DLGAP2: variants seen among roughly 807,000 people sequenced by gnomAD.
DLGAP2 encodes the protein disks large-associated protein 2.
A neutral mutation model predicts 100.3 loss-of-function variants in DLGAP2; 26 were observed. The observed-to-expected ratio is 0.26, with a 90% CI of 0.19 to 0.36. The LOEUF is 0.36. Among genes scored for constraint, DLGAP2 ranks in the 10% least tolerant of loss-of-function variants. The pLI, the probability that DLGAP2 is intolerant of heterozygous loss-of-function variation, is 1.00. For synonymous variants in DLGAP2, 886 were observed against 630.1 expected (o/e 1.41, Z -6.08); for missense variants, 1,858 against 1,453.2 (o/e 1.28, Z -4.53).
chr8:1,591,082 C>T (rs6995313), intron 6 of DLGAP2, among the ~76,000 whole-genome samples: 2,454 of 152,330 alleles, frequency 0.016, 73 homozygotes, highest in African/African-American at 0.056. Context: ...CCCATGCCGG[C>T]AGCTGCAGAA....
At chr8:1,127,294 C>T (rs549131527) in intron 2 of DLGAP2, among the ~76,000 whole-genome samples, 1 of 151,894 alleles carries the variant, frequency 6.6e-6, no homozygotes, top group African/African-American at 2.4e-5. Context: ...TCGGGTGAAC[C>T]CCCATTCTCT....
rs758267162 is a variant in DLGAP2, at chr8:1,549,167, G to A, written c.714G>A (p.Lys238=). Residue 238 remains lysine (K), a synonymous_variant, in exon 5 of 15, where the codon AAG becomes AAA. Coordinates refer to ENST00000637795, the MANE Select transcript of DLGAP2 (RefSeq NM_001346810.2). ...GCCACCTGGTACACTCCGTGCAGAA[G>A]CTCTTCACCAAGTCGCACTCGCTGG... The part of the protein sequence containing the change: ...RIRHLVHSVQ[K]LFTKSHSLEG... 6 of 1,598,998 alleles carry A rather than the reference G, an allele frequency of 3.8e-6. 1 individual carries two copies. The South Asian group carries it at 6.7e-5, about 18-fold the overall frequency.
Position 1,442,608 on chromosome 8 carries a change from C to G in DLGAP2, c.107-58758C>G, listed in dbSNP as rs182491638. ...GGTTCAGCCACTGGGGGAGACGGAT[C>G]GGGGCATAGACCCGCCAGGCTGATG... On this transcript the variant is annotated intron_variant, in intron 3 of 14. Transcript: ENST00000637795. Among the ~76,000 whole-genome samples, 4 of 144,626 alleles carry G rather than the reference C, an allele frequency of 2.8e-5. No individual in the cohort carries two copies. The South Asian group carries it at 6.8e-4, about 25-fold the overall frequency. 94.9% of individuals were successfully genotyped at this position (144,626 alleles called of 152,430 possible).
At position 837,059 on chromosome 8, in the gene DLGAP2, T is replaced by C. The variant is rs78816362; in HGVS notation, c.19-70853T>C. Among the ~76,000 whole-genome samples the C allele has an allele frequency of 5.2e-3, 787 of 152,358 alleles. 6 individuals are homozygous for C. Among genetic ancestry groups the C allele is most frequent in the African/African-American group, 0.017 (723 of 41,592 alleles). On this transcript the variant is annotated intron_variant, in intron 1 of 14. Coordinates refer to ENST00000637795, the MANE Select transcript of DLGAP2 (RefSeq NM_001346810.2). ...AGCCAGATTCCCGGGGTTCGAGTCC[T>C]ATCTCGACCACGTCCCATCTCCTGG...
intron 2 of DLGAP2, among the ~76,000 whole-genome samples, chr8:1,210,718 A>AC (rs1163384659): frequency 1.3e-5 from 2 of 150,968 alleles, no homozygotes; most frequent in East Asian, 3.9e-4. Flanking sequence ...GGCATAACTG[A>AC]CCCCCCACCC....
At chr8:773,399 A>C (rs1358640774) in intron 1 of DLGAP2, among the ~76,000 whole-genome samples, 1 of 151,518 alleles carries the variant, frequency 6.6e-6, no homozygotes, top group Non-Finnish European at 1.5e-5. Context: ...CACATTGTGC[A>C]GGTTAGTTAC....
At chr8:1,081,508 C>T (rs764302883) in intron 2 of DLGAP2, among the ~76,000 whole-genome samples, 11 of 152,138 alleles carry the variant, frequency 7.2e-5, no homozygotes, top group Admixed American at 1.3e-4. Context: ...CCCGTCACCA[C>T]GCCCAGCTAA....
At chr8:952,675 C>T (rs1799509321) in intron 2 of DLGAP2, among the ~76,000 whole-genome samples, 1 of 152,044 alleles carries the variant, frequency 6.6e-6, no homozygotes, top group Non-Finnish European at 1.5e-5. Context: ...CAACATATTT[C>T]ATATTAATAA....
intron 4 of DLGAP2, among the ~76,000 whole-genome samples, chr8:1,506,010 T>C (rs940897508): frequency 5.3e-5 from 8 of 152,186 alleles, no homozygotes; most frequent in African/African-American, 1.9e-4. Flanking sequence ...ACTGAGAAAA[T>C]GTACACACTG....
intron 1 of DLGAP2, among the ~76,000 whole-genome samples, chr8:775,308 G>A (rs1004014436): frequency 1.3e-5 from 2 of 152,062 alleles, no homozygotes; most frequent in East Asian, 1.9e-4. Flanking sequence ...GGGACAATTT[G>A]ACTTCCTCTT....
At chr8:1,595,968 C>A (rs1467312522) in intron 6 of DLGAP2, among the ~76,000 whole-genome samples, 1 of 151,534 alleles carries the variant, frequency 6.6e-6, no homozygotes, top group Non-Finnish European at 1.5e-5. Context: ...GTGTGCTGTA[C>A]CCATTAACTC....
chr8:1,488,605 C>T (rs551628281), intron 3 of DLGAP2, among the ~76,000 whole-genome samples: 12 of 152,270 alleles, frequency 7.9e-5, no homozygotes, highest in African/African-American at 2.2e-4. Flanking sequence ...AATGCTGACA[C>T]GCCACACAGG....
chr8:785,291 T>A (rs1394754828), intron 1 of DLGAP2, among the ~76,000 whole-genome samples: 1 of 144,962 alleles, frequency 6.9e-6, no homozygotes, highest in Non-Finnish European at 1.5e-5. Context: ...GATCCTGCCA[T>A]GCTTGAGCCA....
rs1799680419 is a variant in DLGAP2, at chr8:1,705,419, C to G, written c.*4013C>G. 1 of 152,282 alleles carries G rather than the reference C, an allele frequency of 6.6e-6. No individual in the cohort carries two copies. The highest frequency in any genetic ancestry group is 2.1e-4 in the South Asian group (1 of 4,834). 9.4% of individuals were successfully genotyped at this position (152,282 alleles called of 1,614,324 possible). A position where few individuals can be genotyped will look rare whatever the true frequency, so the allele number is the denominator to read the frequency against. On this transcript the variant is annotated 3_prime_UTR_variant, in exon 15 of 15. Coordinates refer to ENST00000637795, the MANE Select transcript of DLGAP2 (RefSeq NM_001346810.2). The stretch of plus-strand genomic sequence containing the variant: ...GGCCCCCGTGCCGTGGCTGAGTCAG[C>G]CTGGGTACCCCAGTCACCAGCAGGG...
chr8:1,090,112 A>C lies in DLGAP2; in HGVS notation c.74-168739A>C, dbSNP rs190242611. ...CCTGGGCAGACAGGGGTGGAAACTC[A>C]CACCCCGAGGACCTGCTGCCTGTCT... On this transcript the variant is annotated intron_variant, in intron 2 of 14. Coordinates refer to ENST00000637795, the MANE Select transcript of DLGAP2 (RefSeq NM_001346810.2). Among the ~76,000 whole-genome samples the C allele has an allele frequency of 2.1e-4, 30 of 141,870 alleles. No homozygotes were observed. In the East Asian group the frequency reaches 4.7e-3, roughly 22 times the overall value. The allele number at this position is 141,870 out of a possible 152,430, so 93.1% of individuals were successfully genotyped here. A position where few individuals can be genotyped will look rare whatever the true frequency, so the allele number is the denominator to read the frequency against.
chr8:1,151,203 T>C (rs555477693), intron 2 of DLGAP2, among the ~76,000 whole-genome samples: 2 of 152,344 alleles, frequency 1.3e-5, no homozygotes, highest in South Asian at 4.1e-4. Context: ...TCTACCCTCT[T>C]TCATTTTTCA....
rs1339062389 is a variant in DLGAP2, at chr8:1,183,440, G to A, written c.74-75411G>A. ...TTTGATCTAGTTAGTTGACATTACT[G>A]ATCTATAGAATGCACTGCTAAGAGT... On this transcript the variant is annotated intron_variant, in intron 2 of 14. Coordinates refer to ENST00000637795, the MANE Select transcript of DLGAP2 (RefSeq NM_001346810.2). Among the ~76,000 whole-genome samples, 2 of 152,176 alleles carry A rather than the reference G, an allele frequency of 1.3e-5. 1 individual carries two copies. The highest frequency in any genetic ancestry group is 4.8e-5 in the African/African-American group (2 of 41,434).
chr8:1,018,996 A>G (rs1801552344), intron 2 of DLGAP2: 1 of 151,944 alleles, frequency 6.6e-6, no homozygotes. Flanking sequence ...GCGCTTGTCC[A>G]CTCGTCTGAC....
chr8:845,148 A>T (rs1325546061), intron 1 of DLGAP2, among the ~76,000 whole-genome samples: 1 of 152,108 alleles, frequency 6.6e-6, no homozygotes, highest in Non-Finnish European at 1.5e-5. Flanking sequence ...TTTTTGCGTG[A>T]ACATATGTCT....
Sources: gnomAD v4.1 joint callset for allele counts (sites outside exome capture counted in the v4.1 genomes callset) on GRCh38, gnomAD v4.1.1 for gene constraint, MANE v1.5 for transcripts, NCBI Gene and HGNC (gene_info 2026-07-23, HGNC 2026-07-21) for gene names.